The following DMD variants were observed in gnomAD, a reference collection of about 807,000 sequenced individuals.
DMD encodes the protein dystrophin, also known as mutant dystrophin.
In DMD, 63 loss-of-function variants were observed where a neutral mutation model predicts 330.1. The ratio of observed to expected loss-of-function variants is 0.19; its 90% confidence interval spans 0.16 to 0.24. The LOEUF (loss-of-function observed/expected upper bound fraction) is 0.24. DMD is among the 10% of genes least tolerant of loss of function. DMD has a pLI of 1.00. For synonymous variants in DMD, 1,223 were observed against 959.8 expected, an observed-to-expected ratio of 1.27 and a Z score of -5.07; for missense variants, 3,344 against 2,684.1, an observed-to-expected ratio of 1.25 and a Z score of -5.43.
chrX:31,181,972 A>C (rs2041203810), intron 68 of DMD, among the ~76,000 whole-genome samples: 1 of 112,263 alleles, frequency 8.9e-6, no homozygotes, highest in South Asian at 3.7e-4. Flanking sequence ...AGATTAATTC[A>C]TTTAAAAAAA....
chrX:32,738,120 G>A (rs758315045), intron 7 of DMD, among the ~76,000 whole-genome samples: 4 of 111,572 alleles, frequency 3.6e-5, no homozygotes, highest in Non-Finnish European at 7.5e-5. Context: ...GAATAAACCT[G>A]ATTAAGCCAA....
At chrX:31,890,372 G>A (rs866100959) in intron 47 of DMD, among the ~76,000 whole-genome samples, 8 of 94,498 alleles carry the variant, frequency 8.5e-5, no homozygotes, top group African/African-American at 3.1e-4. Context: ...AAAAAAAAAA[G>A]AAGAAGAAAG....
At chrX:32,292,149 T>A (rs1351808812) in intron 42 of DMD, among the ~76,000 whole-genome samples, 2 of 110,047 alleles carry the variant, frequency 1.8e-5, no homozygotes, top group South Asian at 7.9e-4. Context: ...AATTCTGGGA[T>A]TTCTCTCCTG....
chrX:32,304,305 G>T (rs140950074), intron 42 of DMD, among the ~76,000 whole-genome samples: 118 of 111,225 alleles, frequency 1.1e-3, no homozygotes, highest in African/African-American at 3.7e-3. Flanking sequence ...TGGGGATTAT[G>T]AAAACAGTGC....
intron 2 of DMD, among the ~76,000 whole-genome samples, chrX:32,864,551 T>A (rs911007498): frequency 8.9e-6 from 1 of 112,161 alleles, no homozygotes; most frequent in African/African-American, 3.2e-5. Context: ...TGCTCCTAAT[T>A]GTAGGTCCCA....
intron 55 of DMD, among the ~76,000 whole-genome samples, chrX:31,627,285 C>T (rs1045582619): frequency 3.5e-5 from 4 of 112,680 alleles, no homozygotes; most frequent in Admixed American, 1.9e-4. Flanking sequence ...CAGTTAGCAA[C>T]GCTAAATAAA....
chrX:31,272,676 T>G (rs758453932), intron 62 of DMD, among the ~76,000 whole-genome samples: 21 of 112,541 alleles, frequency 1.9e-4, no homozygotes, highest in African/African-American at 6.4e-4. Flanking sequence ...CAGGGAAGTC[T>G]GCGTCTCTTC....
rs180789077 is a variant in DMD, at chrX:32,970,630, T to A, written c.93+49509A>T. Among the ~76,000 whole-genome samples the A allele has an allele frequency of 5.8e-4, 53 of 92,098 alleles. 5 individuals carry two copies. The highest frequency in any genetic ancestry group is 8.0e-4 in the Non-Finnish European group (39 of 48,914). 80.0% of individuals were successfully genotyped at this position (92,098 alleles called of 115,157 possible). On this transcript the variant is annotated intron_variant, in intron 2 of 78. Transcript: ENST00000357033. ...GCCTGGGTGACAGAGCGAGACTCCA[T>A]CTCAAATAATACTGATAATGATAAT...
At chrX:31,141,234 C>CAAA (rs1448777623) in intron 76 of DMD, among the ~76,000 whole-genome samples, 2 of 111,730 alleles carry the variant, frequency 1.8e-5, no homozygotes, top group Admixed American at 9.4e-5. Context: ...ACAACAACAA[C>CAAA]AAAACCAGAA....
chrX:32,510,816 G>A (rs750002670), intron 18 of DMD, among the ~76,000 whole-genome samples: 14 of 110,973 alleles, frequency 1.3e-4, no homozygotes, highest in Non-Finnish European at 2.6e-4. Flanking sequence ...TTAGGGAGTT[G>A]GGCACATCCA....
intron 45 of DMD, among the ~76,000 whole-genome samples, chrX:31,960,959 T>A: frequency 8.9e-6 from 1 of 111,838 alleles, no homozygotes; most frequent in East Asian, 2.8e-4. Flanking sequence ...TGATATGGAT[T>A]GCATCTAAAA....
chrX:31,716,270 G>A (rs1175273272), intron 52 of DMD, among the ~76,000 whole-genome samples: 5 of 112,532 alleles, frequency 4.4e-5, no homozygotes, highest in Admixed American at 3.8e-4. Context: ...ATGTGTTAGC[G>A]GCCAGGAGCC....
At chrX:33,190,989 TATATAA>T (rs2050591365) in intron 1 of DMD, among the ~76,000 whole-genome samples, 1 of 1,761 alleles carries the variant, frequency 5.7e-4, no homozygotes, top group Non-Finnish European at 1.2e-3. Context: ...TATATATATA[TATATAA>T]TATATAATAT....
chrX:33,158,113 T>C (rs1331578963), intron 1 of DMD, among the ~76,000 whole-genome samples: 1 of 112,471 alleles, frequency 8.9e-6, no homozygotes, highest in African/African-American at 3.2e-5. Flanking sequence ...AAAGTCATTA[T>C]CTTATGGCCT....
intron 1 of DMD, among the ~76,000 whole-genome samples, chrX:33,142,259 G>A (rs57965378): frequency 0.079 from 8,798 of 111,336 alleles, 373 homozygotes; most frequent in South Asian, 0.2. Flanking sequence ...CTAATTTTGC[G>A]TTTTTAGTAG....
intron 2 of DMD, among the ~76,000 whole-genome samples, chrX:32,907,989 C>T (rs2086871498): frequency 9.0e-6 from 1 of 111,330 alleles, no homozygotes; most frequent in African/African-American, 3.3e-5. Flanking sequence ...TTACGTTCCT[C>T]CTGACCTACC....
intron 13 of DMD, among the ~76,000 whole-genome samples, chrX:32,578,304 T>G (rs745437840): frequency 1.8e-5 from 2 of 112,439 alleles, no homozygotes; most frequent in East Asian, 5.6e-4. Flanking sequence ...AGCTAAACAT[T>G]CTACACATAA....
At chrX:33,017,984 T>A (rs2093836816) in intron 2 of DMD, among the ~76,000 whole-genome samples, 1 of 112,373 alleles carries the variant, frequency 8.9e-6, no homozygotes, top group Admixed American at 9.5e-5. Context: ...TTAAACTGAA[T>A]CAACTAGCTT....
At chrX:32,837,013 G>C (rs1429684952) in intron 4 of DMD, among the ~76,000 whole-genome samples, 1 of 111,185 alleles carries the variant, frequency 9.0e-6, no homozygotes, top group Non-Finnish European at 1.9e-5. Flanking sequence ...GGAGTCCTTA[G>C]TCCCCAAATT....
Sources: allele counts gnomAD v4.1 joint callset (sites outside exome capture counted in the v4.1 genomes callset), GRCh38; gene constraint gnomAD v4.1.1; transcripts MANE v1.5; gene names NCBI Gene and HGNC (gene_info 2026-07-23, HGNC 2026-07-21).